TLN2: variants seen among roughly 807,000 people sequenced by gnomAD.
TLN2 encodes talin 2, also known as talin-2.
A neutral mutation model predicts 294.7 loss-of-function variants in TLN2; 118 were observed. The observed-to-expected ratio is 0.40, with a 90% confidence interval of 0.34 to 0.47. TLN2 has a LOEUF of 0.47. Among genes scored for constraint, TLN2 ranks in the 20% least tolerant of loss-of-function variants. TLN2 has a pLI of 0.84. For missense variants in TLN2, 3,083 were observed against 3,282.2 expected (o/e 0.94, Z 1.48); for synonymous variants, 1,431 against 1,304.5 (o/e 1.10, Z -2.09).
chr15:62,409,192 C>A (rs991988750), intron 1 of TLN2, among the ~76,000 whole-genome samples: 1 of 145,690 alleles, frequency 6.9e-6, no homozygotes, highest in Non-Finnish European at 1.5e-5. Context: ...TGGCCAGTCT[C>A]TAACTCCTGA....
At position 62,748,456 on chromosome 15, in the gene TLN2, G is replaced by C; in HGVS notation, c.4119+12G>C. ...TGCGGGAGCTCGAGGTAGGTCCCTGGGAAGGCTGCTGAGGACTTGAGAGAG... is the reference window on the plus strand; with the variant it reads ...TGCGGGAGCTCGAGGTAGGTCCCTGCGAAGGCTGCTGAGGACTTGAGAGAG... On this transcript the variant is annotated intron_variant, in intron 33 of 58. Coordinates refer to ENST00000636159, the MANE Select transcript of TLN2 (RefSeq NM_015059.3). 6.2e-7 allele frequency: 1 copy of C among 1,607,156 alleles called. No homozygotes were observed. The highest frequency in any genetic ancestry group is 1.1e-5 in the South Asian group (1 of 90,890).
At chr15:62,772,043 T>G (rs1332481899) in intron 42 of TLN2, among the ~76,000 whole-genome samples, 2 of 152,192 alleles carry the variant, frequency 1.3e-5, no homozygotes, top group African/African-American at 4.8e-5. Context: ...TCTTCCTGCC[T>G]CAGCCTCCCA....
chr15:62,456,171 T>A (rs2036470325), intron 1 of TLN2, among the ~76,000 whole-genome samples: 1 of 152,174 alleles, frequency 6.6e-6, no homozygotes, highest in African/African-American at 2.4e-5. Flanking sequence ...CCAGCCTTCC[T>A]TTTCCAAGGG....
chr15:62,747,790 A>G lies in TLN2; in HGVS notation c.4026-561A>G, dbSNP rs188555180. Among the ~76,000 whole-genome samples the G allele has an allele frequency of 1.1e-3, 172 of 152,338 alleles. 1 individual carries two copies. The highest frequency in any genetic ancestry group is 4.0e-3 in the African/African-American group (167 of 41,576). ...AGCCTTGCTGATACCATGAACAGTT[A>G]ACACATAGTTTGTATGTTGTATGTT... On this transcript the variant is annotated intron_variant, in intron 32 of 58. Transcript: ENST00000636159.
intron 1 of TLN2, among the ~76,000 whole-genome samples, chr15:62,533,998 G>C (rs17738626): frequency 6.6e-6 from 1 of 152,064 alleles, no homozygotes; most frequent in Non-Finnish European, 1.5e-5. Context: ...GGGTTACTCC[G>C]GTGCTTCCAA....
intron 54 of TLN2, among the ~76,000 whole-genome samples, chr15:62,820,983 T>C (rs1469850222): frequency 6.6e-6 from 1 of 152,180 alleles, no homozygotes; most frequent in Non-Finnish European, 1.5e-5. Flanking sequence ...TACAAAGAAA[T>C]AGCACTGCTG....
In TLN2 at chr15:62,445,234, G is replaced by C. The variant is rs1108421; in HGVS notation, c.-238+54549G>C. On this transcript the variant is annotated intron_variant, in intron 1 of 58. Coordinates refer to ENST00000636159, the MANE Select transcript of TLN2 (RefSeq NM_015059.3). ...AGCAGTCGTTCTTATCCCTGCCAGTGGATAGGAATCACCTGTGGCTTTACA... is the reference window on the plus strand; with the variant it reads ...AGCAGTCGTTCTTATCCCTGCCAGTCGATAGGAATCACCTGTGGCTTTACA... Among the ~76,000 whole-genome samples, 439 of 152,294 alleles carry C rather than the reference G, an allele frequency of 2.9e-3. 13 individuals are homozygous for C. The East Asian group carries it at 0.046, about 16-fold the overall frequency.
chr15:62,826,131 G>T (rs974711069), intron 54 of TLN2, among the ~76,000 whole-genome samples: 6 of 151,684 alleles, frequency 4.0e-5, no homozygotes, highest in Non-Finnish European at 5.9e-5. Flanking sequence ...GGCTTAAGAT[G>T]TAGGGAGTTT....
chr15:62,679,990 C>T (rs1036135125), intron 11 of TLN2, among the ~76,000 whole-genome samples: 16 of 152,216 alleles, frequency 1.1e-4, no homozygotes, highest in African/African-American at 3.4e-4. Flanking sequence ...TTCAGCACAT[C>T]TATATGGGTC....
intron 1 of TLN2, among the ~76,000 whole-genome samples, chr15:62,417,911 G>A (rs78644267): frequency 0.014 from 2,162 of 152,292 alleles, 44 homozygotes; most frequent in African/African-American, 0.05. Flanking sequence ...GTGGTTGTCC[G>A]AATGCTTGGC....
intron 28 of TLN2, among the ~76,000 whole-genome samples, chr15:62,735,121 A>G (rs2060939566): frequency 6.6e-6 from 1 of 152,244 alleles, no homozygotes; most frequent in Non-Finnish European, 1.5e-5. Context: ...AAAGTGAGGA[A>G]AGCTCAGATC....
intron 39 of TLN2, among the ~76,000 whole-genome samples, chr15:62,762,844 G>A (rs181400395): frequency 5.3e-5 from 8 of 152,262 alleles, no homozygotes; most frequent in Non-Finnish European, 1.2e-4. Flanking sequence ...ATTGAGCACC[G>A]TTGTTTATTT....
chr15:62,466,415 G>C (rs1022399918), intron 1 of TLN2, among the ~76,000 whole-genome samples: 2 of 152,190 alleles, frequency 1.3e-5, no homozygotes, highest in Non-Finnish European at 2.9e-5. Flanking sequence ...CCTGTGCATC[G>C]TAGGGTGTTC....
intron 3 of TLN2, among the ~76,000 whole-genome samples, chr15:62,638,877 C>G (rs2050686369): frequency 6.6e-6 from 1 of 152,012 alleles, no homozygotes. Flanking sequence ...TGTGTATTTG[C>G]CCAGATGGAG....
intron 9 of TLN2, among the ~76,000 whole-genome samples, chr15:62,662,593 CAAAT>C (rs1301775412): frequency 2.0e-5 from 3 of 152,094 alleles, no homozygotes; most frequent in Admixed American, 1.3e-4. Context: ...ATTTATTTAA[CAAAT>C]AATTTGTTGA....
intron 11 of TLN2, among the ~76,000 whole-genome samples, chr15:62,682,347 C>T (rs535774942): frequency 2.0e-4 from 31 of 152,070 alleles, no homozygotes; most frequent in Admixed American, 2.0e-4. Context: ...AGCTCTTGGT[C>T]CATAAAAAAT....
Position 62,835,769 on chromosome 15 carries a change from C to T in TLN2, c.7161C>T (p.Asp2387=), listed in dbSNP as rs531624339. 1.8e-5 allele frequency: 29 copies of T among 1,614,192 alleles called. No individual in the cohort carries two copies. The highest frequency in any genetic ancestry group is 1.3e-4 in the African/African-American group (10 of 75,058). Residue 2387 remains aspartate, a synonymous_variant, in exon 56 of 59, where the codon GAC becomes GAT. Coordinates refer to ENST00000636159, the MANE Select transcript of TLN2 (RefSeq NM_015059.3). ...VGSIPANAAD[D]GQWSQGLISA... Reference sequence around the variant, plus strand: ...CCATCCCTGCCAATGCTGCAGACGACGGACAGTGGTCACAGGGGCTGATTT... The same window carrying T: ...CCATCCCTGCCAATGCTGCAGACGATGGACAGTGGTCACAGGGGCTGATTT...
intron 1 of TLN2, among the ~76,000 whole-genome samples, chr15:62,569,488 T>C (rs2043685256): frequency 6.6e-6 from 1 of 152,166 alleles, no homozygotes; most frequent in Admixed American, 6.5e-5. Context: ...TAGCCCGGCA[T>C]TTGGTGCCCA....
chr15:62,392,903 C>G (rs1019071427), intron 1 of TLN2, among the ~76,000 whole-genome samples: 1 of 152,078 alleles, frequency 6.6e-6, no homozygotes, highest in Non-Finnish European at 1.5e-5. Context: ...TTTTACCTAC[C>G]TTGATTGCTT....
Sources: gnomAD v4.1 joint callset for allele counts (sites outside exome capture counted in the v4.1 genomes callset) on GRCh38, gnomAD v4.1.1 for gene constraint, MANE v1.5 for transcripts, NCBI Gene and HGNC (gene_info 2026-07-23, HGNC 2026-07-21) for gene names.